The following GHR variants were observed in gnomAD, a reference collection of about 807,000 sequenced individuals.
GHR encodes GH receptor.
A neutral mutation model predicts 67.1 loss-of-function variants in GHR; 35 were observed. That is an observed-to-expected ratio of 0.52 (90% CI 0.40 to 0.69). GHR has a LOEUF of 0.69. GHR is among the 30% of genes least tolerant of loss of function. The pLI, the probability that GHR is intolerant of heterozygous loss-of-function variation, is 0.00. For synonymous variants in GHR, 272 were observed against 269.1 expected (o/e 1.01, Z -0.10); for missense variants, 792 against 764.6 (o/e 1.04, Z -0.42).
At position 42,718,517 on chromosome 5, in the gene GHR, A is replaced by C. The variant is rs1480448102; in HGVS notation, c.1010A>C (p.His337Pro). The change falls in exon 10 of 10, where the codon CAC becomes CCC. Residue 337 changes from histidine to proline, a missense_variant. Physicochemically the swap from His to Pro is moderately conservative, Grantham distance 77. Transcript: ENST00000230882. ...CATGATAGCTATAAACCCGAATTCC[A>C]CAGTGATGACTCTTGGGTTGAATTT... ...AIHDSYKPEF[H>P]SDDSWVEFIE... 6.2e-7 allele frequency: 1 copy of C among 1,613,360 alleles called. No individual in the cohort carries two copies. The highest frequency in any genetic ancestry group is 1.1e-5 in the South Asian group (1 of 91,064).
intron 2 of GHR, among the ~76,000 whole-genome samples, chr5:42,606,827 A>T (rs888920395): frequency 1.3e-5 from 2 of 151,726 alleles, no homozygotes; most frequent in Non-Finnish European, 2.9e-5. Flanking sequence ...TCGCCTGTTC[A>T]CTCTGTACTA....
At chr5:42,539,572 C>T (rs1748408475) in intron 1 of GHR, among the ~76,000 whole-genome samples, 1 of 152,196 alleles carries the variant, frequency 6.6e-6, no homozygotes, top group Non-Finnish European at 1.5e-5. Context: ...TGGGGTGTCT[C>T]CTGCATCCTG....
intron 1 of GHR, among the ~76,000 whole-genome samples, chr5:42,505,628 C>A (rs978931790): frequency 6.6e-6 from 1 of 152,054 alleles, no homozygotes; most frequent in Non-Finnish European, 1.5e-5. Context: ...GAGTCAGAAG[C>A]AAGAGATTGC....
At chr5:42,470,561 T>C (rs1463390016) in intron 1 of GHR, among the ~76,000 whole-genome samples, 1 of 152,200 alleles carries the variant, frequency 6.6e-6, no homozygotes, top group Non-Finnish European at 1.5e-5. Flanking sequence ...GAAATTTGAC[T>C]TTTGGCCATT....
chr5:42,632,450 A>G (rs1000510229), intron 3 of GHR, among the ~76,000 whole-genome samples: 9 of 152,212 alleles, frequency 5.9e-5, no homozygotes, highest in African/African-American at 1.9e-4. Context: ...CATGCTATGC[A>G]CAACCTAAAG....
At chr5:42,654,242 C>T (rs553432230) in intron 3 of GHR, among the ~76,000 whole-genome samples, 24 of 152,248 alleles carry the variant, frequency 1.6e-4, no homozygotes, top group Non-Finnish European at 2.5e-4. Context: ...CTTACCCCAT[C>T]TATAAAATGA....
intron 1 of GHR, among the ~76,000 whole-genome samples, chr5:42,430,500 T>C (rs1743045026): frequency 6.6e-6 from 1 of 152,100 alleles, no homozygotes; most frequent in African/African-American, 2.4e-5. Context: ...AAACCTGTGA[T>C]ATAAACTGAC....
intron 1 of GHR, among the ~76,000 whole-genome samples, chr5:42,463,655 C>T (rs539696721): frequency 6.6e-6 from 1 of 152,264 alleles, no homozygotes; most frequent in South Asian, 2.1e-4. Context: ...AGCTGTAATT[C>T]ATGTTTTATC....
At chr5:42,446,299 G>T (rs1743802500) in intron 1 of GHR, among the ~76,000 whole-genome samples, 1 of 152,172 alleles carries the variant, frequency 6.6e-6, no homozygotes, top group African/African-American at 2.4e-5. Context: ...ATTCTTAAAA[G>T]TTCTGTAAGA....
intron 3 of GHR, among the ~76,000 whole-genome samples, chr5:42,645,946 T>G (rs985761651): frequency 2.6e-5 from 4 of 152,140 alleles, no homozygotes; most frequent in African/African-American, 9.7e-5. Flanking sequence ...CAAAATTGAT[T>G]CATTACTTGG....
At position 42,676,542 on chromosome 5, in the gene GHR, G is replaced by A. The variant is rs374037134; in HGVS notation, c.137-12348G>A. Among the ~76,000 whole-genome samples, 3 of 151,918 alleles carry A rather than the reference G, an allele frequency of 2.0e-5. No homozygotes were observed. The East Asian group carries it at 5.8e-4, about 29-fold the overall frequency. ...CTGCCAGTAGCCTATACTATTTTTG[G>A]AATGGAGTGTTTGCAGTTTCATAAC... On this transcript the variant is annotated intron_variant, in intron 3 of 9. Transcript: ENST00000230882.
In GHR at chr5:42,575,818, G is replaced by C. The variant is rs192605100; in HGVS notation, c.70+9874G>C. 9.9e-5 allele frequency among the ~76,000 whole-genome samples: 15 copies of C among 151,308 alleles called. No homozygotes were observed. In the East Asian group the frequency reaches 2.7e-3, roughly 28 times the overall value. ...TGGGAGGCCAAGGCGGGTGGATCGA[G>C]AGGTCAAGAGTTTGAGACCAGCCTG... On this transcript the variant is annotated intron_variant, in intron 2 of 9. Transcript: ENST00000230882.
At chr5:42,444,454 G>C (rs1257527208) in intron 1 of GHR, among the ~76,000 whole-genome samples, 1 of 152,146 alleles carries the variant, frequency 6.6e-6, no homozygotes, top group Admixed American at 6.5e-5. Context: ...TACCTGGGTT[G>C]GGGCAGAAGC....
intron 1 of GHR, among the ~76,000 whole-genome samples, chr5:42,480,634 T>C (rs1411876957): frequency 6.6e-6 from 1 of 152,234 alleles, no homozygotes; most frequent in African/African-American, 2.4e-5. Flanking sequence ...CCCTTTACCA[T>C]TATGTAATGG....
chr5:42,425,510 A>T (rs1333239798), intron 1 of GHR, among the ~76,000 whole-genome samples: 2 of 152,308 alleles, frequency 1.3e-5, no homozygotes, highest in East Asian at 3.9e-4. Context: ...AAAATGCTGG[A>T]TAGAAACAAA....
chr5:42,697,006 G>A (rs1374400016), intron 5 of GHR, among the ~76,000 whole-genome samples: 1 of 152,150 alleles, frequency 6.6e-6, no homozygotes, highest in Non-Finnish European at 1.5e-5. Context: ...AGATTGGAGT[G>A]GGACGGACTA....
intron 2 of GHR, among the ~76,000 whole-genome samples, chr5:42,612,816 T>G (rs1752954558): frequency 6.6e-6 from 1 of 152,012 alleles, no homozygotes; most frequent in Non-Finnish European, 1.5e-5. Context: ...CCAGGAGAGA[T>G]TTCAATCTGA....
rs993152856 is a variant in GHR at position 42,583,217 on chromosome 5, G to A, written c.70+17273G>A. 7.9e-4 allele frequency among the ~76,000 whole-genome samples: 120 copies of A among 152,222 alleles called. 8 individuals carry two copies. The highest frequency in any genetic ancestry group is 2.9e-5 in the Non-Finnish European group (2 of 68,040). On this transcript the variant is annotated intron_variant, in intron 2 of 9. Transcript: ENST00000230882. ...TGACTAAACCTCCAAACATGAGTCT[G>A]AAGATTAACCAGTTTGGGAAGCCTT...
chr5:42,628,990 A>C (rs761218037), intron 2 of GHR, 48 bp from the exon 3 acceptor site: 1 of 1,044,016 alleles, frequency 9.6e-7, no homozygotes, highest in Non-Finnish European at 1.4e-6. Flanking sequence ...GTCATATCAG[A>C]TTGTTTTGAT....
Sources: gnomAD v4.1 joint callset for allele counts (sites outside exome capture counted in the v4.1 genomes callset) on GRCh38, gnomAD v4.1.1 for gene constraint, MANE v1.5 for transcripts, NCBI Gene and HGNC (gene_info 2026-07-23, HGNC 2026-07-21) for gene names.